STON2: variants seen among roughly 807,000 people sequenced by gnomAD.
The protein encoded by STON2 is stonin-2.
A neutral mutation model predicts 65.7 loss-of-function variants in STON2; 29 were observed. The observed-to-expected ratio is 0.44, with a 90% CI of 0.33 to 0.60. The LOEUF (loss-of-function observed/expected upper bound fraction) is 0.60. Ranked by LOEUF, STON2 falls within the 20% of genes least tolerant of loss-of-function variation. The probability of loss-of-function intolerance (pLI) is 0.03; values close to 1 mark genes in which losing one functional copy is unlikely to be tolerated. For synonymous variants in STON2, 404 were observed against 414.2 expected, an observed-to-expected ratio of 0.98 and a Z score of 0.30; for missense variants, 1,054 against 1,118.1, an observed-to-expected ratio of 0.94 and a Z score of 0.82.
At chr14:81,330,934 G>C (rs1897188740) in intron 4 of STON2, among the ~76,000 whole-genome samples, 1 of 152,234 alleles carries the variant, frequency 6.6e-6, no homozygotes, top group South Asian at 2.1e-4. Context: ...GGAAGCAGAA[G>C]AGACTATGAC....
At chr14:81,377,085 G>T (rs975794415) in intron 3 of STON2, among the ~76,000 whole-genome samples, 5 of 152,140 alleles carry the variant, frequency 3.3e-5, no homozygotes, top group Non-Finnish European at 1.5e-5. Context: ...CCACAGTCAA[G>T]ATACAGAACA....
chr14:81,401,810 T>C (rs909196168), upstream of STON2, among the ~76,000 whole-genome samples: 7 of 151,896 alleles, frequency 4.6e-5, no homozygotes, highest in African/African-American at 1.7e-4. Context: ...AAGATGGGGG[T>C]CATAGAAGTA....
At chr14:81,354,389 A>T (rs1216521794) in intron 4 of STON2, among the ~76,000 whole-genome samples, 2 of 152,198 alleles carry the variant, frequency 1.3e-5, no homozygotes, top group African/African-American at 4.8e-5. Flanking sequence ...CTACAAAAGA[A>T]CACCTGTAAC....
intron 3 of STON2, among the ~76,000 whole-genome samples, chr14:81,372,465 G>C (rs951089148): frequency 6.6e-6 from 1 of 150,656 alleles, no homozygotes; most frequent in African/African-American, 2.5e-5. Context: ...TGACACACAA[G>C]AACCGCTTGA....
At chr14:81,375,337 T>C (rs530147892) in intron 3 of STON2, among the ~76,000 whole-genome samples, 3 of 151,880 alleles carry the variant, frequency 2.0e-5, no homozygotes, top group East Asian at 1.9e-4. Flanking sequence ...GCACAAAAAA[T>C]ATATCTAAAA....
chr14:81,349,122 C>A (rs923393990), intron 4 of STON2, among the ~76,000 whole-genome samples: 1 of 151,874 alleles, frequency 6.6e-6, no homozygotes, highest in Non-Finnish European at 1.5e-5. Context: ...ACCTAACACC[C>A]GAAACTACAA....
chr14:81,281,766 T>C (rs1319373980), intron 5 of STON2, among the ~76,000 whole-genome samples: 1 of 152,234 alleles, frequency 6.6e-6, no homozygotes, highest in Non-Finnish European at 1.5e-5. Flanking sequence ...CGCCAAGTCC[T>C]AAACAGTTTT....
intron 4 of STON2, among the ~76,000 whole-genome samples, chr14:81,365,539 T>G (rs142338055): frequency 0.018 from 2,798 of 152,146 alleles, 45 homozygotes; most frequent in South Asian, 0.074. Context: ...GCAGATCACT[T>G]GAGGTTAGGA....
intron 4 of STON2, among the ~76,000 whole-genome samples, chr14:81,331,502 A>AG (rs901158409): frequency 1.8e-4 from 27 of 152,180 alleles, no homozygotes; most frequent in African/African-American, 4.6e-4. Flanking sequence ...TACTACTGGG[A>AG]GGGGGGGTAC....
chr14:81,413,036 G>A (rs1901245028), intron 2 of STON2: 3 of 998,156 alleles, frequency 3.0e-6, no homozygotes, highest in Admixed American at 1.8e-5. Context: ...GAACTCGGTG[G>A]AGTGCGCTCC....
intron 3 of STON2, among the ~76,000 whole-genome samples, chr14:81,394,615 A>G (rs1274759956): frequency 1.3e-5 from 2 of 152,210 alleles, no homozygotes; most frequent in Admixed American, 6.5e-5. Context: ...GGTGAGCCCA[A>G]CATAACCACA....
At chr14:81,373,530 T>C (rs1273032464) in intron 3 of STON2, among the ~76,000 whole-genome samples, 1 of 152,046 alleles carries the variant, frequency 6.6e-6, no homozygotes, top group Non-Finnish European at 1.5e-5. Flanking sequence ...CATCACACGG[T>C]GAGCAACAAA....
intron 4 of STON2, among the ~76,000 whole-genome samples, chr14:81,329,739 C>T (rs1040972114): frequency 6.6e-6 from 1 of 152,120 alleles, no homozygotes; most frequent in Non-Finnish European, 1.5e-5. Flanking sequence ...ATCAGTCAGC[C>T]TACCTATGGC....
chr14:81,316,107 A>T (rs1165095266), intron 5 of STON2, among the ~76,000 whole-genome samples: 1 of 152,112 alleles, frequency 6.6e-6, no homozygotes, highest in African/African-American at 2.4e-5. Flanking sequence ...AACTACACAA[A>T]TTTTTTCACA....
Position 81,267,588 on chromosome 14 carries a change from C to T in STON2, c.*826G>A. ...ATTTTTCAGTGTGAATTTGGGAATT[C>T]ACTGAGATTGAATCTACCTCTTGAA... On this transcript the variant is annotated 3_prime_UTR_variant, in exon 8 of 8. Coordinates refer to ENST00000614646, the MANE Select transcript of STON2 (RefSeq NM_001394390.1). 1 of 985,318 alleles carries T rather than the reference C, an allele frequency of 1.0e-6. No homozygotes were observed. Among genetic ancestry groups the T allele is most frequent in the South Asian group, 4.7e-5 (1 of 21,284 alleles). The allele number at this position is 985,318 out of a possible 1,614,324, so 61.0% of individuals were successfully genotyped here.
chr14:81,395,536 C>T (rs1900272981), intron 3 of STON2: 1 of 177,636 alleles, frequency 5.6e-6, no homozygotes, highest in Admixed American at 6.0e-5. Context: ...GCCACCGCAC[C>T]CAGCAGAAAC....
rs574835132 is a variant in STON2 at position 81,383,721 on chromosome 14, C to A, written c.373+12173G>T. On this transcript the variant is annotated intron_variant, in intron 3 of 7. Coordinates refer to ENST00000614646, the MANE Select transcript of STON2 (RefSeq NM_001394390.1). ...CTCCTACCTGGTCTCCTTGCCTCCA[C>A]CTCTGTCCTCTCCTCCCAGTCTATT... Among the ~76,000 whole-genome samples the A allele has an allele frequency of 5.3e-5, 8 of 152,288 alleles. No individual in the cohort carries two copies. In the East Asian group the frequency reaches 1.5e-3, roughly 29 times the overall value.
In STON2 at chr14:81,265,440, AG is replaced by A. The variant is rs1041523229; in HGVS notation, c.*2973del. ...GAGACTGAGGCAGGCTTATCACCTGAGGTCAGACATTCGAGACCAGCCTGGC... is the reference window on the plus strand; with the variant it reads ...GAGACTGAGGCAGGCTTATCACCTGAGTCAGACATTCGAGACCAGCCTGGC... On this transcript the variant is annotated 3_prime_UTR_variant, in exon 8 of 8. Coordinates refer to ENST00000614646, the MANE Select transcript of STON2 (RefSeq NM_001394390.1). The A allele has an allele frequency of 1.2e-5, 9 of 735,288 alleles. No individual in the cohort carries two copies. The African/African-American group carries it at 1.5e-4, about 13-fold the overall frequency. 45.5% of individuals were successfully genotyped at this position (735,288 alleles called of 1,614,324 possible).
chr14:81,295,271 GC>G (rs1895715624), intron 5 of STON2, among the ~76,000 whole-genome samples: 4 of 152,312 alleles, frequency 2.6e-5, no homozygotes, highest in African/African-American at 9.6e-5. Context: ...GTTGCAGTGA[GC>G]CGAGATTGTG....
Sources: gnomAD v4.1 joint callset for allele counts (sites outside exome capture counted in the v4.1 genomes callset) on GRCh38, gnomAD v4.1.1 for gene constraint, MANE v1.5 for transcripts, NCBI Gene and HGNC (gene_info 2026-07-23, HGNC 2026-07-21) for gene names.